Variants in ANKFY1 observed in about 807,000 individuals in gnomAD.
ANKFY1 encodes ankyrin repeat and FYVE domain-containing protein 1.
A neutral mutation model predicts 128.3 loss-of-function variants in ANKFY1; 47 were observed. That is an observed-to-expected ratio of 0.37 (90% CI 0.29 to 0.47). ANKFY1 has a LOEUF of 0.47. ANKFY1 is among the 20% of genes least tolerant of loss of function. The pLI, the probability that ANKFY1 is intolerant of heterozygous loss-of-function variation, is 1.00. For synonymous variants in ANKFY1, 553 were observed against 601.6 expected (o/e 0.92, Z 1.18); for missense variants, 1,222 against 1,510.6 (o/e 0.81, Z 3.17).
At chr17:4,210,396 C>T (rs1480610596) in intron 4 of ANKFY1, among the ~76,000 whole-genome samples, 2 of 152,096 alleles carry the variant, frequency 1.3e-5, no homozygotes, top group African/African-American at 4.8e-5. Context: ...GCTCTATGCT[C>T]AATAATTAAC....
At chr17:4,168,608 C>T (rs2059256195) in intron 24 of ANKFY1, among the ~76,000 whole-genome samples, 1 of 152,102 alleles carries the variant, frequency 6.6e-6, no homozygotes, top group African/African-American at 2.4e-5. Flanking sequence ...GCTGGGATTA[C>T]AGGTGCCCAC....
Position 4,263,918 on chromosome 17 carries a change from C to T in ANKFY1, c.10+14G>A. On this transcript the variant is annotated intron_variant, in intron 1 of 24. Transcript: ENST00000341657. ...CTCCGTGTCTTCCCGCGCGGCTCCA[C>T]AAAAAAACCCTACCTTCCGCCATGT... 6.2e-7 allele frequency: 1 copy of T among 1,613,884 alleles called. No individual in the cohort carries two copies. The highest frequency in any genetic ancestry group is 8.5e-7 in the Non-Finnish European group (1 of 1,179,900).
chr17:4,218,535 C>A (rs1188992998), intron 3 of ANKFY1, among the ~76,000 whole-genome samples: 1 of 152,056 alleles, frequency 6.6e-6, no homozygotes, highest in Non-Finnish European at 1.5e-5. Flanking sequence ...TGGCTTGAGC[C>A]CAGGAATTCA....
At chr17:4,195,366 C>A in intron 9 of ANKFY1, 37 bp downstream of exon 9, 3 of 1,599,834 alleles carry the variant, frequency 1.9e-6, no homozygotes, top group East Asian at 2.2e-5. Flanking sequence ...TCCCCCCTCA[C>A]AACCGCCTTC....
At chr17:4,187,405 A>T in intron 11 of ANKFY1, 1 of 397,136 alleles carries the variant, frequency 2.5e-6, no homozygotes, top group Non-Finnish European at 4.4e-6. Context: ...CATGCCAGCC[A>T]TCCCAGGCAG....
chr17:4,170,957 G>T (rs1466607294), intron 22 of ANKFY1, 96 bp from the exon 23 acceptor site: 6 of 1,558,826 alleles, frequency 3.8e-6, no homozygotes, highest in Non-Finnish European at 5.3e-6. Flanking sequence ...AGAACAGACC[G>T]CTGGCAGGAA....
At chr17:4,259,029 GAAAGCATCAGGCGCTGTGGGA>G (rs1419112216) in intron 1 of ANKFY1, among the ~76,000 whole-genome samples, 1 of 152,200 alleles carries the variant, frequency 6.6e-6, no homozygotes, top group African/African-American at 2.4e-5. Flanking sequence ...GCACCAGGGT[GAAAGCATCAGGCGCTGTGGGA>G]AAAGCATCAG....
At chr17:4,224,102 G>A (rs1328908413) in intron 3 of ANKFY1, among the ~76,000 whole-genome samples, 1 of 151,892 alleles carries the variant, frequency 6.6e-6, no homozygotes, top group Non-Finnish European at 1.5e-5. Flanking sequence ...GTTACAAAAT[G>A]AACAGTTTTT....
intron 1 of ANKFY1, among the ~76,000 whole-genome samples, chr17:4,262,059 C>T (rs1171250704): frequency 2.6e-5 from 4 of 152,244 alleles, no homozygotes; most frequent in Non-Finnish European, 4.4e-5. Flanking sequence ...GGCGCGATGG[C>T]TCATACCTGC....
At chr17:4,188,999 C>T (rs546828960) in intron 11 of ANKFY1, 6 of 197,706 alleles carry the variant, frequency 3.0e-5, no homozygotes, top group Middle Eastern at 1.9e-3. Context: ...TAGCGTGCGA[C>T]ATAGACTCAT....
intron 4 of ANKFY1, 169 bp downstream of exon 4, chr17:4,216,814 C>T (rs942727045): frequency 1.6e-5 from 14 of 886,728 alleles, no homozygotes; most frequent in Non-Finnish European, 2.3e-5. Context: ...AATTTAGCTA[C>T]AAGATAACAC....
Position 4,174,008 on chromosome 17 carries a change from C to T in ANKFY1, c.2824G>A (p.Ala942Thr). Residue 942 changes from alanine (A) to threonine (T), a missense_variant, in exon 20 of 25, where the codon GCC becomes ACC. By Grantham distance (58) the Ala-to-Thr change is moderately conservative. Transcript: ENST00000341657. ...TCCTGCTGGGCAGCAAGATGGAGGGCAGTCTGGCGATGCTTGGTTAATTCG... is the reference window on the plus strand; with the variant it reads ...TCCTGCTGGGCAGCAAGATGGAGGGTAGTCTGGCGATGCTTGGTTAATTCG... ...VNELTKHRQT[A>T]LHLAAQQDLP... 2.5e-6 allele frequency: 4 copies of T among 1,614,222 alleles called. No homozygotes were observed. Among genetic ancestry groups the T allele is most frequent in the Non-Finnish European group, 3.4e-6 (4 of 1,180,022 alleles).
chr17:4,189,613 GC>G, intron 10 of ANKFY1, 134 bp from the exon 11 acceptor site: 1 of 760,432 alleles, frequency 1.3e-6, no homozygotes, highest in East Asian at 2.7e-5. Flanking sequence ...CAGACAGTAG[GC>G]CCACGCCAGA....
intron 5 of ANKFY1, among the ~76,000 whole-genome samples, chr17:4,209,310 G>T (rs562649561): frequency 4.6e-5 from 7 of 152,006 alleles, no homozygotes; most frequent in East Asian, 1.9e-4. Flanking sequence ...ATCTTTTTTG[G>T]GGGGGCGGGA....
chr17:4,195,171 A>T lies in ANKFY1; in HGVS notation c.1179T>A (p.Asp393Glu). The T allele has an allele frequency of 6.2e-7, 1 of 1,605,706 alleles. No homozygotes were observed. Among genetic ancestry groups the T allele is most frequent in the Non-Finnish European group, 8.5e-7 (1 of 1,173,916 alleles). ...FSQLLQCKQLDLELKDHEGST... is the reference protein window; with the variant it reads ...FSQLLQCKQLELELKDHEGST... Reference sequence around the variant, plus strand: ...TGCCCTCGTGGTCTTTGAGTTCTAAATCTAGTCTGAAAAGCAGAAGCAGTG... The same window carrying T: ...TGCCCTCGTGGTCTTTGAGTTCTAATTCTAGTCTGAAAAGCAGAAGCAGTG... Residue 393 changes from aspartate to glutamate, a missense_variant, in exon 10 of 25, where the codon GAT becomes GAA. Asp to Glu is a conservative substitution (Grantham distance 45, BLOSUM62 2). Coordinates refer to ENST00000341657, the MANE Select transcript of ANKFY1 (RefSeq NM_001330063.2).
Position 4,166,149 on chromosome 17 carries a change from CAG to C in ANKFY1, c.*1628_*1629del, listed in dbSNP as rs752310762. On this transcript the variant is annotated 3_prime_UTR_variant, in exon 25 of 25. Coordinates refer to ENST00000341657, the MANE Select transcript of ANKFY1 (RefSeq NM_001330063.2). ...GAAAGCATATACATCTTATAAATCA[CAG>C]ACTTTTTTTTAAGTAGTACTCCAGT... 3.9e-5 allele frequency: 6 copies of C among 152,200 alleles called. No individual in the cohort carries two copies. The highest frequency in any genetic ancestry group is 7.2e-5 in the African/African-American group (3 of 41,450). The allele number at this position is 152,200 out of a possible 1,614,324, so 9.4% of individuals were successfully genotyped here. A position where few individuals can be genotyped will look rare whatever the true frequency, so the allele number is the denominator to read the frequency against.
Position 4,235,829 on chromosome 17 carries a change from G to A in ANKFY1, c.265C>T (p.Arg89Cys), listed in dbSNP as rs769277442. 7.4e-6 allele frequency: 12 copies of A among 1,613,990 alleles called. No individual in the cohort carries two copies. In the East Asian group the frequency reaches 1.6e-4, roughly 21 times the overall value. Residue 89 changes from arginine to cysteine, a missense_variant, in exon 3 of 25, where the codon CGC becomes TGC. Arg to Cys is a radical substitution (Grantham distance 180). Transcript: ENST00000341657. ...ISAHKFVLAA[R>C]SDSWSLANLS... Reference sequence around the variant, plus strand: ...TTAGCCAGACTCCAGCTGTCACTGCGGGCTGCCAGGACAAACTTGTGAGCA... The same window carrying A: ...TTAGCCAGACTCCAGCTGTCACTGCAGGCTGCCAGGACAAACTTGTGAGCA...
intron 4 of ANKFY1, among the ~76,000 whole-genome samples, chr17:4,212,449 A>G (rs949529702): frequency 2.6e-5 from 4 of 152,210 alleles, no homozygotes; most frequent in African/African-American, 7.2e-5. Flanking sequence ...GTTTGTCAAG[A>G]TGGAGGAGAA....
rs1356091211 is a variant in ANKFY1, at chr17:4,165,847, A to G, written c.*1932T>C. On this transcript the variant is annotated 3_prime_UTR_variant, in exon 25 of 25. Coordinates refer to ENST00000341657, the MANE Select transcript of ANKFY1 (RefSeq NM_001330063.2). ...CATTCCTTTTAAAGAACAGGTATCC[A>G]TGTACCAACCACTTCAATTCATATC... The G allele has an allele frequency of 1.3e-5, 2 of 152,196 alleles. No individual in the cohort carries two copies. Among genetic ancestry groups the G allele is most frequent in the South Asian group, 2.1e-4 (1 of 4,828 alleles). The allele number at this position is 152,196 out of a possible 1,614,324, so 9.4% of individuals were successfully genotyped here. A position where few individuals can be genotyped will look rare whatever the true frequency, so the allele number is the denominator to read the frequency against.
Sources: gnomAD v4.1 joint callset for allele counts (sites outside exome capture counted in the v4.1 genomes callset) on GRCh38, gnomAD v4.1.1 for gene constraint, MANE v1.5 for transcripts, NCBI Gene and HGNC (gene_info 2026-07-23, HGNC 2026-07-21) for gene names.